P2RY14: variants seen among roughly 807,000 people sequenced by gnomAD.
The protein encoded by P2RY14 is purinergic receptor P2Y14.
A neutral mutation model predicts 0.9 loss-of-function variants in P2RY14; 2 were observed. The ratio of observed to expected loss-of-function variants is 2.16; its 90% confidence interval spans 0.88 to 6.79. P2RY14 has a LOEUF of 6.79. P2RY14 is among the 30% of genes most tolerant of loss of function. The probability of loss-of-function intolerance (pLI) is 0.05; values close to 1 mark genes in which losing one functional copy is unlikely to be tolerated. For missense variants in P2RY14, 378 were observed against 400.1 expected, an observed-to-expected ratio of 0.94 and a Z score of 0.47; for synonymous variants, 158 against 147.2, an observed-to-expected ratio of 1.07 and a Z score of -0.53.
intron 2 of P2RY14, among the ~76,000 whole-genome samples, chr3:151,218,757 C>T (rs1424555427): frequency 6.7e-6 from 1 of 148,290 alleles, no homozygotes; most frequent in Non-Finnish European, 1.5e-5. Context: ...ATCCTAGTTA[C>T]TTGGGAGGCT....
At chr3:151,224,832 T>C (rs1730165254) in intron 1 of P2RY14, among the ~76,000 whole-genome samples, 2 of 152,338 alleles carry the variant, frequency 1.3e-5, no homozygotes, top group Non-Finnish European at 2.9e-5. Flanking sequence ...TTTCCCCTTA[T>C]TGAAATCTGC....
At position 151,249,390 on chromosome 3, in the gene P2RY14, TG is replaced by T. The variant is rs368688102; in HGVS notation, c.-133+28896del. Among the ~76,000 whole-genome samples the T allele has an allele frequency of 4.7e-3, 723 of 152,322 alleles. 8 individuals carry two copies. The highest frequency in any genetic ancestry group is 0.024 in the Middle Eastern group (7 of 294). ...ATTAGTTGGAAAACCAAAAAATATT[TG>T]AGAGTAAAACATCTGCACGTTTCCT... On this transcript the variant is annotated intron_variant, in intron 1 of 2. Coordinates refer to ENST00000309170, the MANE Select transcript of P2RY14 (RefSeq NM_014879.4).
chr3:151,235,800 G>C (rs1017904071), intron 1 of P2RY14, among the ~76,000 whole-genome samples: 4 of 152,114 alleles, frequency 2.6e-5, no homozygotes, highest in African/African-American at 9.7e-5. Flanking sequence ...ACCTTTGTGT[G>C]GCTGCCACAT....
rs896780350 is a variant in P2RY14 at position 151,234,248 on chromosome 3, A to G, written c.-132-14606T>C. Among the ~76,000 whole-genome samples, 6 of 152,256 alleles carry G rather than the reference A, an allele frequency of 3.9e-5. 1 individual carries two copies. The highest frequency in any genetic ancestry group is 3.9e-4 in the Admixed American group (6 of 15,288). ...CCTAGTGAAATTTTATGCAGCAGTG[A>G]GACTGAATTAACTACAGTTAGTAAC... On this transcript the variant is annotated intron_variant, in intron 1 of 2. Transcript: ENST00000309170.
chr3:151,242,779 G>T lies in P2RY14; in HGVS notation c.-132-23137C>A, dbSNP rs1486649806. ...AAGCTGGATGGAGAATGACTTTGAC[G>T]AGCTGAGAGAAGAAGGCTTCAGACG... On this transcript the variant is annotated intron_variant, in intron 1 of 2. Coordinates refer to ENST00000309170, the MANE Select transcript of P2RY14 (RefSeq NM_014879.4). 3.9e-5 allele frequency among the ~76,000 whole-genome samples: 6 copies of T among 152,082 alleles called. No individual in the cohort carries two copies. The South Asian group carries it at 8.3e-4, about 21-fold the overall frequency.
intron 1 of P2RY14, among the ~76,000 whole-genome samples, chr3:151,233,485 A>G (rs11719236): frequency 3.9e-5 from 6 of 152,224 alleles, no homozygotes; most frequent in Non-Finnish European, 7.3e-5. Flanking sequence ...TGTAATCCCA[A>G]CACTTTGGGA....
chr3:151,237,045 CTT>C (rs56926535), intron 1 of P2RY14, among the ~76,000 whole-genome samples: 48 of 125,846 alleles, frequency 3.8e-4, no homozygotes, highest in African/African-American at 6.6e-4. Flanking sequence ...TGATGCCAAA[CTT>C]TTTTTTTTTT....
chr3:151,255,902 T>TA (rs1201005633), intron 1 of P2RY14, among the ~76,000 whole-genome samples: 1 of 152,200 alleles, frequency 6.6e-6, no homozygotes, highest in Non-Finnish European at 1.5e-5. Context: ...AAGAGTCTAG[T>TA]ACTACCTGCA....
At chr3:151,247,347 A>T (rs1459950252) in intron 1 of P2RY14, among the ~76,000 whole-genome samples, 5 of 152,166 alleles carry the variant, frequency 3.3e-5, no homozygotes, top group Non-Finnish European at 5.9e-5. Flanking sequence ...ACAATAGCAA[A>T]GACTTGGAAC....
rs964992100 is a variant in P2RY14, at chr3:151,255,140, A to G, written c.-133+23147T>C. ...TCACAAATAGGCAGGCTGAAGATTG[A>G]CTTATGGAATTGATGAAGCTGTTGG... On this transcript the variant is annotated intron_variant, in intron 1 of 2. Transcript: ENST00000309170. 3.9e-5 allele frequency among the ~76,000 whole-genome samples: 6 copies of G among 152,170 alleles called. No individual in the cohort carries two copies. The South Asian group carries it at 6.2e-4, about 16-fold the overall frequency.
chr3:151,260,687 A>T (rs747114724), intron 1 of P2RY14, among the ~76,000 whole-genome samples: 2 of 152,288 alleles, frequency 1.3e-5, no homozygotes, highest in East Asian at 3.9e-4. Context: ...ACATAAGTAC[A>T]GCTCAATGCT....
chr3:151,268,195 C>T (rs1333410923), intron 1 of P2RY14, among the ~76,000 whole-genome samples: 1 of 151,866 alleles, frequency 6.6e-6, no homozygotes, highest in African/African-American at 2.4e-5. Flanking sequence ...AAAATAATGC[C>T]AGTGTTTTAG....
At chr3:151,219,828 C>A (rs1024841401) in intron 1 of P2RY14, among the ~76,000 whole-genome samples, 186 bp from the exon 2 acceptor site, 4 of 147,940 alleles carry the variant, frequency 2.7e-5, no homozygotes, top group African/African-American at 1.0e-4. Context: ...GTTGCAGCCT[C>A]TTGTGGGAAA....
At chr3:151,240,201 GCCTGTGTCAATAGATGTTCACTA>G in intron 1 of P2RY14, among the ~76,000 whole-genome samples, 1 of 152,070 alleles carries the variant, frequency 6.6e-6, no homozygotes, top group South Asian at 2.1e-4. Flanking sequence ...TAGTCAATGG[GCCTGTGTCAATAGATGTTCACTA>G]CCTGTGTACT....
Position 151,213,337 on chromosome 3 carries a change from C to A in P2RY14, c.980G>T (p.Arg327Ile). Residue 327 changes from arginine (R) to isoleucine (I), a missense_variant, in exon 3 of 3, where the codon AGA (arginine) becomes ATA (isoleucine). Transcript: ENST00000309170. ...QNDLDISRIK[R>I]GNTTLESTDT... ...TGTGCTTTCAAGTGTTGTATTTCCT[C>A]TTTTGATTCTGGAAATGTCTAGGTC... 6.2e-7 allele frequency: 1 copy of A among 1,612,490 alleles called. No homozygotes were observed. Among genetic ancestry groups the A allele is most frequent in the African/African-American group, 1.3e-5 (1 of 74,880 alleles).
chr3:151,254,561 C>T (rs928736100), intron 1 of P2RY14, among the ~76,000 whole-genome samples: 7 of 152,146 alleles, frequency 4.6e-5, no homozygotes, highest in East Asian at 3.8e-4. Flanking sequence ...ATAATTTGAA[C>T]CAAACCTTAT....
chr3:151,231,954 CT>C, intron 1 of P2RY14, among the ~76,000 whole-genome samples: 1 of 152,110 alleles, frequency 6.6e-6, no homozygotes, highest in East Asian at 1.9e-4. Context: ...TATTCATGGG[CT>C]TTTTTTGCTG....
At chr3:151,236,479 C>T (rs1281076262) in intron 1 of P2RY14, among the ~76,000 whole-genome samples, 1 of 152,150 alleles carries the variant, frequency 6.6e-6, no homozygotes, top group Non-Finnish European at 1.5e-5. Context: ...TGTTAATAAT[C>T]TCCTTCAGAC....
intron 1 of P2RY14, among the ~76,000 whole-genome samples, chr3:151,268,752 CAG>C (rs1179976272): frequency 6.6e-6 from 1 of 152,102 alleles, no homozygotes; most frequent in Non-Finnish European, 1.5e-5. Context: ...TTGTTCTCTG[CAG>C]AGAGCTACTA....
Sources: gnomAD v4.1 joint callset for allele counts (sites outside exome capture counted in the v4.1 genomes callset) on GRCh38, gnomAD v4.1.1 for gene constraint, MANE v1.5 for transcripts, NCBI Gene and HGNC (gene_info 2026-07-23, HGNC 2026-07-21) for gene names.